DYSF: variants seen among roughly 807,000 people sequenced by gnomAD.
DYSF encodes the protein dysferlin, also known as dystrophy-associated fer-1-like 1.
In DYSF, 212 loss-of-function variants were observed where a neutral mutation model predicts 274.9. That is an observed-to-expected ratio of 0.77 (90% confidence interval 0.69 to 0.86). The LOEUF is 0.86. Ranked by LOEUF, DYSF falls within the 40% of genes least tolerant of loss-of-function variation. DYSF has a pLI of 0.00. For missense variants in DYSF, 2,666 were observed against 2,783.2 expected, an observed-to-expected ratio of 0.96 and a Z score of 0.95; for synonymous variants, 1,091 against 1,078.7, an observed-to-expected ratio of 1.01 and a Z score of -0.22.
chr2:71,536,999 A>G (rs781230266), intron 16 of DYSF, among the ~76,000 whole-genome samples: 31 of 151,940 alleles, frequency 2.0e-4, no homozygotes, highest in Admixed American at 5.2e-4. Flanking sequence ...AAAACCCCAA[A>G]CCACCCCCTA....
At chr2:71,664,056 C>T (rs2094951876) in intron 45 of DYSF, among the ~76,000 whole-genome samples, 2 of 152,318 alleles carry the variant, frequency 1.3e-5, no homozygotes, top group South Asian at 4.2e-4. Flanking sequence ...GCCTTATGCC[C>T]AGCACAGTTT....
chr2:71,587,234 G>A (rs1330458174), intron 30 of DYSF, among the ~76,000 whole-genome samples: 3 of 152,144 alleles, frequency 2.0e-5, no homozygotes, highest in African/African-American at 4.8e-5. Flanking sequence ...CAGGCCAAAC[G>A]CCTCTCCTGG....
At chr2:71,675,472 G>A (rs1223794147) in intron 52 of DYSF, among the ~76,000 whole-genome samples, 2 of 152,188 alleles carry the variant, frequency 1.3e-5, no homozygotes, top group East Asian at 1.9e-4. Context: ...GTTCTTAGCT[G>A]AGCCCTGGGG....
chr2:71,518,161 T>A, intron 10 of DYSF, among the ~76,000 whole-genome samples: 1 of 152,138 alleles, frequency 6.6e-6, no homozygotes. Context: ...CAGAAGTGAA[T>A]AGTCCTCTTC....
chr2:71,579,356 C>T (rs868704894), intron 30 of DYSF, among the ~76,000 whole-genome samples: 8 of 152,166 alleles, frequency 5.3e-5, no homozygotes, highest in Middle Eastern at 3.2e-3. Flanking sequence ...ACGTCGGCAA[C>T]GTGTGCTCAG....
At chr2:71,626,431 TTATA>T (rs1367810049) in intron 41 of DYSF, among the ~76,000 whole-genome samples, 3 of 119,598 alleles carry the variant, frequency 2.5e-5, no homozygotes, top group Non-Finnish European at 3.7e-5. Context: ...TAATACATAA[TTATA>T]TAATATATTT....
chr2:71,572,531 A>G (rs908016464), intron 29 of DYSF, among the ~76,000 whole-genome samples: 6 of 152,224 alleles, frequency 3.9e-5, no homozygotes. Context: ...TTGGCTGCAC[A>G]TTATTGGGGC....
chr2:71,554,929 TGGCATGGATGGG>T, intron 21 of DYSF, among the ~76,000 whole-genome samples: 1 of 152,106 alleles, frequency 6.6e-6, no homozygotes, highest in Non-Finnish European at 1.5e-5. Context: ...GGGGTTTCTG[TGGCATGGATGGG>T]GACAGCTGGT....
chr2:71,596,002 C>CT (rs34280550), intron 32 of DYSF, among the ~76,000 whole-genome samples: 15,798 of 135,736 alleles, frequency 0.12, 974 homozygotes, highest in Middle Eastern at 0.18. Context: ...CCCCTTTTTC[C>CT]TTTTTTTTTT....
intron 42 of DYSF, among the ~76,000 whole-genome samples, chr2:71,655,056 A>G (rs915066425): frequency 6.6e-6 from 1 of 152,074 alleles, no homozygotes; most frequent in African/African-American, 2.4e-5. Context: ...GCACCACTGC[A>G]CTCCACCCTG....
At chr2:71,595,666 T>C (rs1231707728) in intron 32 of DYSF, among the ~76,000 whole-genome samples, 1 of 152,244 alleles carries the variant, frequency 6.6e-6, no homozygotes, top group African/African-American at 2.4e-5. Context: ...GATAGGTCCC[T>C]GACTCCCTTG....
chr2:71,570,385 C>T (rs2092348767), intron 28 of DYSF, 51 bp downstream of exon 28: 1 of 1,580,814 alleles, frequency 6.3e-7, no homozygotes, highest in Non-Finnish European at 8.7e-7. Context: ...AGCTCTCAAG[C>T]CATGCTGGTG....
chr2:71,506,329 G>C (rs1326189781), intron 4 of DYSF, among the ~76,000 whole-genome samples: 1 of 152,166 alleles, frequency 6.6e-6, no homozygotes, highest in Non-Finnish European at 1.5e-5. Flanking sequence ...TCTTAGCCTG[G>C]GGCAAGACAG....
Position 71,555,899 on chromosome 2 carries a change from G to T in DYSF, c.2110-66G>T, listed in dbSNP as rs1016937309. The stretch of plus-strand genomic sequence containing the variant: ...TCAGTAGCAGTGACAAGGCCTGGGG[G>T]TTGGGTCCAGCATGCACCCTCTGCC... On this transcript the variant is annotated intron_variant, in intron 21 of 55. Coordinates refer to ENST00000410020, the MANE Select transcript of DYSF (RefSeq NM_001130987.2). 2.0e-5 allele frequency: 26 copies of T among 1,291,108 alleles called. No homozygotes were observed. The African/African-American group carries it at 3.7e-4, about 18-fold the overall frequency. 80.0% of individuals were successfully genotyped at this position (1,291,108 alleles called of 1,614,324 possible). A position where few individuals can be genotyped will look rare whatever the true frequency, so the allele number is the denominator to read the frequency against.
chr2:71,456,065 C>T (rs919648785), intron 1 of DYSF, among the ~76,000 whole-genome samples: 1 of 152,018 alleles, frequency 6.6e-6, no homozygotes, highest in Admixed American at 6.5e-5. Context: ...TGGAGCAGCT[C>T]CCCCCATCCT....
At chr2:71,520,984 C>A in intron 12 of DYSF, 80 bp downstream of exon 12, 1 of 1,206,604 alleles carries the variant, frequency 8.3e-7, no homozygotes, top group Non-Finnish European at 1.2e-6. Context: ...CAAACAAAAA[C>A]TCTATTTTTT....
At chr2:71,653,103 C>T (rs189890351) in intron 42 of DYSF, among the ~76,000 whole-genome samples, 13 of 152,206 alleles carry the variant, frequency 8.5e-5, no homozygotes, top group African/African-American at 1.7e-4. Context: ...ATCAAAATCA[C>T]AATGAGATAC....
intron 30 of DYSF, 135 bp from the exon 31 acceptor site, chr2:71,589,458 A>C: frequency 1.4e-6 from 1 of 735,230 alleles, no homozygotes; most frequent in South Asian, 1.5e-5. Flanking sequence ...CCCCAGAATG[A>C]AATTAGAGGC....
intron 22 of DYSF, among the ~76,000 whole-genome samples, chr2:71,557,320 G>T (rs556711022): frequency 2.3e-4 from 35 of 152,372 alleles, no homozygotes; most frequent in African/African-American, 8.2e-4. Flanking sequence ...CTTTGAGGGA[G>T]GAGCAGGAGT....
Sources: allele counts gnomAD v4.1 joint callset (sites outside exome capture counted in the v4.1 genomes callset), GRCh38; gene constraint gnomAD v4.1.1; transcripts MANE v1.5; gene names NCBI Gene and HGNC (gene_info 2026-07-23, HGNC 2026-07-21).